SRFBP1: variants seen among roughly 807,000 people sequenced by gnomAD.
SRFBP1 encodes serum response factor binding protein 1, also known as serum response factor-binding protein 1.
Under a neutral mutation model 45.5 loss-of-function variants are expected in SRFBP1, and 47 were observed. The ratio of observed to expected loss-of-function variants is 1.03; its 90% CI spans 0.82 to 1.32. The LOEUF (loss-of-function observed/expected upper bound fraction) is 1.32, where lower values mean the gene tolerates loss of function less well. Ranked by LOEUF, SRFBP1 falls within the 40% of genes most tolerant of loss-of-function variation. The pLI is 0.00. For missense variants in SRFBP1, 621 were observed against 484.6 expected, an observed-to-expected ratio of 1.28 and a Z score of -2.64; for synonymous variants, 203 against 166.3, an observed-to-expected ratio of 1.22 and a Z score of -1.70.
intron 2 of SRFBP1, among the ~76,000 whole-genome samples, chr5:122,053,946 G>T (rs534270124): frequency 1.3e-5 from 2 of 152,202 alleles, no homozygotes; most frequent in African/African-American, 2.4e-5. Flanking sequence ...AGCAAGCATC[G>T]CCCACTTGAC....
chr5:122,020,372 G>A lies in SRFBP1; in HGVS notation c.637G>A (p.Val213Ile). Reference protein sequence around the residue: ...SPSKPSEKDSVVSLESQKTPA... With the variant: ...SPSKPSEKDSIVSLESQKTPA... Reference sequence around the variant, plus strand: ...ATCAAAGCCTTCAGAAAAGGATTCTGTAGTTTCCCTTGAGTCCCAGAAGAC... The same window carrying A: ...ATCAAAGCCTTCAGAAAAGGATTCTATAGTTTCCCTTGAGTCCCAGAAGAC... The change falls in exon 6 of 8, where the codon GTA becomes ATA. Residue 213 changes from valine (V) to isoleucine (I), a missense_variant. Val to Ile is a conservative substitution (Grantham distance 29, BLOSUM62 3). Coordinates refer to ENST00000339397, the MANE Select transcript of SRFBP1 (RefSeq NM_152546.3). 1.2e-6 allele frequency: 2 copies of A among 1,614,082 alleles called. No individual in the cohort carries two copies. Among genetic ancestry groups the A allele is most frequent in the Non-Finnish European group, 8.5e-7 (1 of 1,179,986 alleles).
At chr5:122,064,502 C>T (rs992628225) in intron 2 of SRFBP1, 1 of 151,268 alleles carries the variant, frequency 6.6e-6, no homozygotes, top group Non-Finnish European at 1.5e-5. Context: ...AAAAGGCAGA[C>T]ATTTCAGGGA....
At chr5:121,989,003 A>G (rs1054331165) in intron 3 of SRFBP1, among the ~76,000 whole-genome samples, 2 of 152,154 alleles carry the variant, frequency 1.3e-5, no homozygotes, top group African/African-American at 4.8e-5. Context: ...CAATTTAGAG[A>G]AAAATCTAAA....
At position 121,977,858 on chromosome 5, in the gene SRFBP1, A is replaced by G. The variant is rs1180898554; in HGVS notation, c.198+2471A>G. Among the ~76,000 whole-genome samples, 6 of 152,164 alleles carry G rather than the reference A, an allele frequency of 3.9e-5. No homozygotes were observed. In the East Asian group the frequency reaches 5.8e-4, roughly 15 times the overall value. On this transcript the variant is annotated intron_variant, in intron 3 of 7. Transcript: ENST00000339397. Reference sequence around the variant, plus strand: ...AAAATTGGCTTGATCTTTACACTATAAAATCATAGGTTCTAATTTTATAGA... The same window carrying G: ...AAAATTGGCTTGATCTTTACACTATGAAATCATAGGTTCTAATTTTATAGA...
At chr5:121,994,723 GCTTA>G in intron 4 of SRFBP1, 53 bp downstream of exon 4, 1 of 1,208,130 alleles carries the variant, frequency 8.3e-7, no homozygotes, top group Non-Finnish European at 1.2e-6. Context: ...CATCTATATT[GCTTA>G]CTTTTTTCTT....
intron 5 of SRFBP1, 27 bp downstream of exon 5, chr5:122,019,368 T>C (rs1456764744): frequency 1.9e-6 from 3 of 1,551,436 alleles, no homozygotes; most frequent in African/African-American, 1.4e-5. Context: ...TTTTAAGCCA[T>C]GTACTTAATG....
In SRFBP1 at chr5:122,027,949, ATACTT is replaced by A. The variant is rs1438980858; in HGVS notation, c.*824_*828del. 6 of 152,250 alleles carry A rather than the reference ATACTT, an allele frequency of 3.9e-5. 1 individual carries two copies. Among genetic ancestry groups the A allele is most frequent in the Admixed American group, 3.3e-4 (5 of 15,294 alleles). 9.4% of individuals were successfully genotyped at this position (152,250 alleles called of 1,614,324 possible). ...GAATGTATATTATCTAGTTTTTACT[ATACTT>A]ATTTTAAAATTTTTGAGGAATCATA... On this transcript the variant is annotated 3_prime_UTR_variant, in exon 8 of 8. Coordinates refer to ENST00000339397, the MANE Select transcript of SRFBP1 (RefSeq NM_152546.3).
intron 3 of SRFBP1, among the ~76,000 whole-genome samples, chr5:121,980,186 A>T (rs1561578895): frequency 1.3e-5 from 2 of 152,146 alleles, no homozygotes; most frequent in Non-Finnish European, 2.9e-5. Context: ...ATAATCTCTA[A>T]TAATACTGTA....
chr5:122,075,386 G>A (rs1362680472), exon 3 of SRFBP1: 1 of 1,587,436 alleles, frequency 6.3e-7, no homozygotes, highest in East Asian at 2.2e-5. Context: ...AAAGTACCCA[G>A]GAGGCCCATT....
intron 4 of SRFBP1, among the ~76,000 whole-genome samples, chr5:122,000,865 A>G (rs1304476354): frequency 1.3e-5 from 2 of 152,184 alleles, no homozygotes; most frequent in African/African-American, 2.4e-5. Flanking sequence ...ATTAATTTTT[A>G]TGATAAACTA....
intron 2 of SRFBP1, among the ~76,000 whole-genome samples, chr5:122,038,676 G>T (rs918385464): frequency 1.1e-4 from 16 of 152,182 alleles, no homozygotes; most frequent in African/African-American, 3.9e-4. Context: ...AAGGACAAAG[G>T]AAGGAAAATG....
At chr5:122,048,811 A>T (rs926291643) in intron 2 of SRFBP1, among the ~76,000 whole-genome samples, 4 of 152,134 alleles carry the variant, frequency 2.6e-5, no homozygotes, top group African/African-American at 9.7e-5. Context: ...CATTTCTTCT[A>T]GATTTTCTAG....
At chr5:122,052,106 T>C (rs1753998229) in intron 2 of SRFBP1, among the ~76,000 whole-genome samples, 1 of 152,228 alleles carries the variant, frequency 6.6e-6, no homozygotes, top group African/African-American at 2.4e-5. Context: ...GGGTTTCTGC[T>C]GAAAGGTCCG....
chr5:121,961,985 A>G lies in SRFBP1; in HGVS notation c.-48A>G, dbSNP rs1236894820. ...CGTGGCGACGCAGCCGCGGTCTGAG[A>G]GACCGGTTCACGTGCAGGCAGCGGC... On this transcript the variant is annotated 5_prime_UTR_variant, in exon 1 of 8. Coordinates refer to ENST00000339397, the MANE Select transcript of SRFBP1 (RefSeq NM_152546.3). The G allele has an allele frequency of 3.1e-6, 5 of 1,613,256 alleles. No individual in the cohort carries two copies. The highest frequency in any genetic ancestry group is 1.1e-5 in the South Asian group (1 of 91,060).
intron 4 of SRFBP1, among the ~76,000 whole-genome samples, chr5:122,002,835 A>G (rs558218615): frequency 1.5e-4 from 23 of 152,286 alleles, no homozygotes; most frequent in African/African-American, 4.1e-4. Context: ...TTTGAACTGG[A>G]TGATGTTAAG....
intron 3 of SRFBP1, among the ~76,000 whole-genome samples, chr5:121,979,510 A>G (rs187781866): frequency 2.6e-4 from 40 of 152,328 alleles, no homozygotes; most frequent in Middle Eastern, 3.4e-3. Context: ...CATTTATTCT[A>G]TGAAAGTAAT....
At chr5:122,001,652 C>T (rs1404905227) in intron 4 of SRFBP1, among the ~76,000 whole-genome samples, 1 of 149,022 alleles carries the variant, frequency 6.7e-6, no homozygotes, top group Non-Finnish European at 1.5e-5. Context: ...AGCTCCGCTT[C>T]CCGGGTTCAC....
At chr5:121,965,005 C>G (rs901496801) in intron 1 of SRFBP1, among the ~76,000 whole-genome samples, 1 of 152,160 alleles carries the variant, frequency 6.6e-6, no homozygotes, top group African/African-American at 2.4e-5. Context: ...TGAGAAGTGT[C>G]TGTTCATGTC....
chr5:122,045,910 G>A (rs1380995160), intron 2 of SRFBP1, among the ~76,000 whole-genome samples: 1 of 152,182 alleles, frequency 6.6e-6, no homozygotes, highest in Non-Finnish European at 1.5e-5. Context: ...GGAGTGGTGA[G>A]AGAGAACATC....
Sources: gnomAD v4.1 joint callset for allele counts (sites outside exome capture counted in the v4.1 genomes callset) on GRCh38, gnomAD v4.1.1 for gene constraint, MANE v1.5 for transcripts, NCBI Gene and HGNC (gene_info 2026-07-23, HGNC 2026-07-21) for gene names.